The following TOPAZ1 variants were observed in gnomAD, a reference collection of about 807,000 sequenced individuals.
TOPAZ1 encodes testis and ovary specific TOPAZ 1.
A neutral mutation model predicts 172.2 loss-of-function variants in TOPAZ1; 66 were observed. That is an observed-to-expected ratio of 0.38 (90% CI 0.31 to 0.47). The LOEUF (loss-of-function observed/expected upper bound fraction) is 0.47. TOPAZ1 is among the 20% of genes least tolerant of loss of function. TOPAZ1 has a pLI of 0.99. For missense variants in TOPAZ1, 1,822 were observed against 1,972.4 expected (o/e 0.92, Z 1.44); for synonymous variants, 681 against 683.9 (o/e 1.00, Z 0.07).
At chr3:44,261,163 G>A (rs943770515) in intron 4 of TOPAZ1, among the ~76,000 whole-genome samples, 1 of 151,924 alleles carries the variant, frequency 6.6e-6, no homozygotes, top group Non-Finnish European at 1.5e-5. Context: ...GGGAGAATTA[G>A]CATCTTTAAC....
downstream of TOPAZ1, among the ~76,000 whole-genome samples, chr3:44,335,828 T>G (rs1700718281): frequency 6.6e-6 from 1 of 152,138 alleles, no homozygotes; most frequent in African/African-American, 2.4e-5. Flanking sequence ...TGTTCCTGAG[T>G]TCCCTTGAGG....
intron 16 of TOPAZ1, among the ~76,000 whole-genome samples, chr3:44,315,200 CGTGTGTGTGTGT>C (rs71089096): frequency 0.47 from 70,006 of 150,066 alleles, 17,341 homozygotes; most frequent in East Asian, 0.8. Flanking sequence ...TTTGAAAGAA[CGTGTGTGTGTGT>C]GTGTGTGTGT....
chr3:44,287,952 A>G lies in TOPAZ1; in HGVS notation c.3681+113A>G, dbSNP rs1044611968. 5 of 615,160 alleles carry G rather than the reference A, an allele frequency of 8.1e-6. No individual in the cohort carries two copies. In the African/African-American group the frequency reaches 9.8e-5, roughly 12 times the overall value. 38.1% of individuals were successfully genotyped at this position (615,160 alleles called of 1,614,324 possible). ...TTATTCACATTCTGGATGCCAAAGA[A>G]TTCTATTTCCAGAAGTATTCTTTTT... On this transcript the variant is annotated intron_variant, in intron 11 of 19. Transcript: ENST00000309765.
At position 44,328,325 on chromosome 3, in the gene TOPAZ1, T is replaced by C. The variant is rs1700625965; in HGVS notation, c.4751T>C (p.Leu1584Ser). The change falls in exon 19 of 20, where the codon TTA becomes TCA. Residue 1584 changes from leucine (L) to serine (S), a missense_variant. Coordinates refer to ENST00000309765, the MANE Select transcript of TOPAZ1 (RefSeq NM_001145030.2). The stretch of plus-strand genomic sequence containing the variant: ...AAACTTCTTCTAATTCCATCTTATT[T>C]ATCTGAGATTGAAATGCTCTTAGCT... ...YRKLLLIPSYLSEIEMLLAIE... is the reference protein window; with the variant it reads ...YRKLLLIPSYSSEIEMLLAIE... 15 of 1,520,126 alleles carry C rather than the reference T, an allele frequency of 9.9e-6. No homozygotes were observed. The highest frequency in any genetic ancestry group is 1.2e-5 in the Non-Finnish European group (14 of 1,134,828). 94.2% of individuals were successfully genotyped at this position (1,520,126 alleles called of 1,614,324 possible). A position where few individuals can be genotyped will look rare whatever the true frequency, so the allele number is the denominator to read the frequency against.
At chr3:44,287,240 C>G in intron 9 of TOPAZ1, 149 bp from the exon 10 acceptor site, 1 of 427,988 alleles carries the variant, frequency 2.3e-6, no homozygotes, top group Non-Finnish European at 3.9e-6. Flanking sequence ...TAATTTTCAT[C>G]TACTCTTTCT....
intron 4 of TOPAZ1, among the ~76,000 whole-genome samples, chr3:44,256,777 T>C (rs1699708638): frequency 6.6e-6 from 1 of 152,200 alleles, no homozygotes. Flanking sequence ...CAGTAATATT[T>C]GCTCTTAAGA....
chr3:44,311,102 CACTA>C (rs1034390266), intron 16 of TOPAZ1, among the ~76,000 whole-genome samples: 5 of 152,136 alleles, frequency 3.3e-5, no homozygotes, highest in African/African-American at 4.8e-5. Context: ...CTGTAAAACA[CACTA>C]ACACACAAAC....
At chr3:44,262,910 G>T (rs544524558) in intron 5 of TOPAZ1, among the ~76,000 whole-genome samples, 4 of 152,156 alleles carry the variant, frequency 2.6e-5, no homozygotes, top group Admixed American at 2.6e-4. Flanking sequence ...AAGACCATCT[G>T]ATCCATCCTC....
At chr3:44,334,963 A>G (rs1465683029), downstream of TOPAZ1, among the ~76,000 whole-genome samples, 1 of 152,134 alleles carries the variant, frequency 6.6e-6, no homozygotes, top group Non-Finnish European at 1.5e-5. Flanking sequence ...GCATGTTCAC[A>G]TAGTGTGATT....
downstream of TOPAZ1, among the ~76,000 whole-genome samples, chr3:44,332,503 C>T (rs1700681684): frequency 6.6e-6 from 1 of 152,054 alleles, no homozygotes; most frequent in Non-Finnish European, 1.5e-5. Flanking sequence ...TTAAATTACC[C>T]TCTGAATAGT....
rs937897218 is a variant in TOPAZ1 at position 44,244,890 on chromosome 3, A to G, written c.2384A>G (p.Asn795Ser). The part of the protein sequence containing the change: ...HVSEPGNIVS[N>S]KEVASLTVEN... ...TCTGAACCAGGCAATATTGTTTCTA[A>G]TAAAGAAGTTGCTTCTCTCACAGTT... Residue 795 changes from asparagine (N) to serine (S), a missense_variant, in exon 2 of 20, where the codon AAT becomes AGT. Physicochemically the swap from Asn to Ser is conservative, Grantham distance 46. Coordinates refer to ENST00000309765, the MANE Select transcript of TOPAZ1 (RefSeq NM_001145030.2). The G allele has an allele frequency of 2.0e-5, 31 of 1,551,788 alleles. No individual in the cohort carries two copies. Among genetic ancestry groups the G allele is most frequent in the Non-Finnish European group, 2.6e-5 (30 of 1,147,018 alleles).
At chr3:44,276,118 A>G (rs528201673) in intron 8 of TOPAZ1, among the ~76,000 whole-genome samples, 1 of 152,238 alleles carries the variant, frequency 6.6e-6, no homozygotes, top group East Asian at 1.9e-4. Flanking sequence ...TGTCACATGA[A>G]TAGTTTGCAA....
intron 1 of TOPAZ1, 149 bp from the exon 2 acceptor site, chr3:44,242,704 T>C: frequency 1.4e-6 from 1 of 709,446 alleles, no homozygotes; most frequent in East Asian, 2.9e-5. Context: ...TAACAGAAAT[T>C]AAGGCTTTCA....
At chr3:44,263,141 C>G (rs1010332546) in intron 5 of TOPAZ1, among the ~76,000 whole-genome samples, 23 of 152,248 alleles carry the variant, frequency 1.5e-4, no homozygotes, top group Admixed American at 1.5e-3. Flanking sequence ...AGACCACCAG[C>G]TGATTTTGAT....
intron 18 of TOPAZ1, among the ~76,000 whole-genome samples, chr3:44,326,189 G>A (rs1259785171): frequency 2.0e-5 from 3 of 152,286 alleles, no homozygotes; most frequent in South Asian, 2.1e-4. Context: ...GACTCATACA[G>A]TAAATCTATA....
intron 16 of TOPAZ1, among the ~76,000 whole-genome samples, chr3:44,314,341 T>C (rs973270265): frequency 5.3e-5 from 8 of 152,334 alleles, no homozygotes; most frequent in Non-Finnish European, 1.0e-4. Flanking sequence ...TCTTCATTAT[T>C]GGTTTCATAA....
At chr3:44,320,424 C>T (rs1160812727) in intron 16 of TOPAZ1, among the ~76,000 whole-genome samples, 4 of 152,106 alleles carry the variant, frequency 2.6e-5, no homozygotes, top group South Asian at 2.1e-4. Flanking sequence ...AGCGAAACTC[C>T]GTCTCTACTT....
At chr3:44,336,089 A>C (rs555841577), downstream of TOPAZ1, among the ~76,000 whole-genome samples, 10 of 152,356 alleles carry the variant, frequency 6.6e-5, no homozygotes, top group African/African-American at 2.4e-4. Flanking sequence ...TTGAATACTA[A>C]TACTGTATTT....
chr3:44,276,145 A>G (rs1422986875), intron 8 of TOPAZ1, among the ~76,000 whole-genome samples: 1 of 152,102 alleles, frequency 6.6e-6, no homozygotes, highest in Non-Finnish European at 1.5e-5. Flanking sequence ...TCTTTCATTC[A>G]ACAGGTTCTC....
Sources: allele counts gnomAD v4.1 joint callset (sites outside exome capture counted in the v4.1 genomes callset), GRCh38; gene constraint gnomAD v4.1.1; transcripts MANE v1.5; gene names NCBI Gene and HGNC (gene_info 2026-07-23, HGNC 2026-07-21).